Variants in NLRP5 observed in about 807,000 individuals in gnomAD.
The protein encoded by NLRP5 is NLR family pyrin domain containing 5, also known as NACHT, LRR and PYD domains-containing protein 5.
In NLRP5, 93 loss-of-function variants were observed where a neutral mutation model predicts 113.1. The ratio of observed to expected loss-of-function variants is 0.82; its 90% confidence interval spans 0.70 to 0.98. The LOEUF is 0.98. Among genes scored for constraint, NLRP5 ranks in the 50% least tolerant of loss-of-function variants. NLRP5 has a pLI of 0.00. For synonymous variants in NLRP5, 751 were observed against 600.7 expected (o/e 1.25, Z -3.66); for missense variants, 1,808 against 1,514.3 (o/e 1.19, Z -3.22).
rs570980138 is a variant in NLRP5, at chr19:56,027,088, C to T, written c.855C>T (p.His285=). 19 of 1,566,534 alleles carry T rather than the reference C, an allele frequency of 1.2e-5. No individual in the cohort carries two copies. The Admixed American group carries it at 1.7e-4, about 14-fold the overall frequency. The stretch of plus-strand genomic sequence containing the variant: ...TCCGGCCTCGCACGGTGGTTCTGCA[C>T]GGAAAGTCAGGAATTGGGAAATCGG... Residue 285 remains histidine, a synonymous_variant, in exon 7 of 15, where the codon CAC becomes CAT. Coordinates refer to ENST00000390649, the MANE Select transcript of NLRP5 (RefSeq NM_153447.4).
chr19:56,041,634 T>C (rs907332244), intron 11 of NLRP5, among the ~76,000 whole-genome samples: 14 of 152,120 alleles, frequency 9.2e-5, no homozygotes, highest in Non-Finnish European at 1.6e-4. Context: ...TTTGGCGCTA[T>C]GCTAGGAGGT....
the NLRP5 span, among the ~76,000 whole-genome samples, chr19:55,994,349 A>G: frequency 1.3e-5 from 2 of 152,152 alleles, no homozygotes; most frequent in African/African-American, 4.8e-5. Flanking sequence ...TATTCTGGGT[A>G]TTAGTTCCTT....
At position 56,061,441 on chromosome 19, in the gene NLRP5, G is replaced by C; in HGVS notation, c.3516G>C (p.Glu1172Asp). Reference sequence around the variant, plus strand: ...CTGTGCAAATAAGGAAGCTGCTGGAGGAAGTGCAGCTACTCAAGCCCCGAG... The same window carrying C: ...CTGTGCAAATAAGGAAGCTGCTGGACGAAGTGCAGCTACTCAAGCCCCGAG... The change falls in exon 15 of 15, where the codon GAG (glutamate) becomes GAC (aspartate). Residue 1172 changes from glutamate (E) to aspartate (D), a missense_variant. By Grantham distance (45) the Glu-to-Asp change is conservative (BLOSUM62 2). Transcript: ENST00000390649. 6.2e-7 allele frequency: 1 copy of C among 1,613,910 alleles called. No homozygotes were observed. Among genetic ancestry groups the C allele is most frequent in the Non-Finnish European group, 8.5e-7 (1 of 1,179,770 alleles).
chr19:55,987,794 C>G, the NLRP5 span: 1 of 1,584,444 alleles, frequency 6.3e-7, no homozygotes, highest in Non-Finnish European at 8.7e-7. Flanking sequence ...AACCAGCAGC[C>G]TTCCTTTACC....
At chr19:56,040,622 C>T (rs1370262076) in intron 10 of NLRP5, among the ~76,000 whole-genome samples, 1 of 152,094 alleles carries the variant, frequency 6.6e-6, no homozygotes, top group Non-Finnish European at 1.5e-5. Flanking sequence ...CTCATTCCGG[C>T]AAAGCCTTAC....
At chr19:56,005,993 C>T (rs76195184) in intron 2 of NLRP5, among the ~76,000 whole-genome samples, 13 of 152,194 alleles carry the variant, frequency 8.5e-5, no homozygotes, top group African/African-American at 1.9e-4. Flanking sequence ...ATTCATCTAC[C>T]GTGGCATATG....
rs759143170 is a variant in NLRP5, at chr19:56,028,114, T to C, written c.1881T>C (p.His627=). The change falls in exon 7 of 15, where the codon CAT becomes CAC. Residue 627 remains histidine (H), a synonymous_variant. Coordinates refer to ENST00000390649, the MANE Select transcript of NLRP5 (RefSeq NM_153447.4). ...TGGAGCTTAAACAGGCAGGCTTCCA[T>C]ATCCACTCGCTTTGGATGAAGCGTT... 22 of 1,614,042 alleles carry C rather than the reference T, an allele frequency of 1.4e-5. No individual in the cohort carries two copies. Among genetic ancestry groups the C allele is most frequent in the Non-Finnish European group, 1.7e-5 (20 of 1,179,900 alleles).
At chr19:56,061,248 G>A (rs1389053029) in intron 14 of NLRP5, 148 bp from the exon 15 acceptor site, 2 of 675,740 alleles carry the variant, frequency 3.0e-6, no homozygotes, top group Non-Finnish European at 4.6e-6. Flanking sequence ...TCAATAATTT[G>A]TTAGTCATTG....
intron 2 of NLRP5, among the ~76,000 whole-genome samples, chr19:56,005,455 A>ATATACACACACACATATT (rs528414037): frequency 7.1e-6 from 1 of 140,494 alleles, no homozygotes; most frequent in African/African-American, 2.7e-5. Flanking sequence ...ATATATTTTT[A>ATATACACACACACATATT]TATACACACA....
intron 3 of NLRP5, among the ~76,000 whole-genome samples, chr19:56,012,894 T>G (rs1049768946): frequency 2.0e-5 from 3 of 151,784 alleles, no homozygotes; most frequent in African/African-American, 7.2e-5. Flanking sequence ...TTATATACTT[T>G]CCTTGCTTTT....
chr19:56,060,718 GT>G (rs76500463), intron 14 of NLRP5, among the ~76,000 whole-genome samples: 1 of 151,784 alleles, frequency 6.6e-6, no homozygotes, highest in African/African-American at 2.4e-5. Context: ...ACATATCCAA[GT>G]TTTTTTACAT....
intron 11 of NLRP5, among the ~76,000 whole-genome samples, chr19:56,045,404 G>A (rs1983685367): frequency 1.3e-5 from 2 of 152,146 alleles, no homozygotes; most frequent in Admixed American, 1.3e-4. Context: ...TGGGATTGGA[G>A]CTAGTTTTTT....
chr19:56,040,780 G>C (rs1181332830), intron 10 of NLRP5, 142 bp from the exon 11 acceptor site: 2 of 646,080 alleles, frequency 3.1e-6, no homozygotes, highest in African/African-American at 3.7e-5. Flanking sequence ...GTTAAAGGCA[G>C]AGAGGATGCG....
chr19:56,061,209 TTTC>T (rs1984340152), intron 14 of NLRP5, among the ~76,000 whole-genome samples, 184 bp from the exon 15 acceptor site: 1 of 152,232 alleles, frequency 6.6e-6, no homozygotes, highest in Admixed American at 6.5e-5. Context: ...CAGCAAGCTG[TTTC>T]TTTTCTTGTC....
At chr19:56,057,957 G>A (rs1019513550) in intron 13 of NLRP5, among the ~76,000 whole-genome samples, 4 of 150,850 alleles carry the variant, frequency 2.7e-5, no homozygotes, top group Non-Finnish European at 4.4e-5. Flanking sequence ...AATCCCAGAG[G>A]TAGAAGGTTG....
At position 56,027,694 on chromosome 19, in the gene NLRP5, G is replaced by C; in HGVS notation, c.1461G>C (p.Val487=). The C allele has an allele frequency of 1.2e-6, 2 of 1,613,386 alleles. No individual in the cohort carries two copies. The highest frequency in any genetic ancestry group is 1.7e-5 in the Admixed American group (1 of 60,012). Residue 487 remains valine, a synonymous_variant, in exon 7 of 15, where the codon GTG becomes GTC. Transcript: ENST00000390649. ...TGGCCCTGCAGCTGCAGGACGTGGTGGGGGAGAGCGTCGCCCCCTTCAACC... is the reference window on the plus strand; with the variant it reads ...TGGCCCTGCAGCTGCAGGACGTGGTCGGGGAGAGCGTCGCCCCCTTCAACC...
At chr19:56,051,395 G>T (rs2637111) in intron 12 of NLRP5, among the ~76,000 whole-genome samples, 1 of 151,842 alleles carries the variant, frequency 6.6e-6, no homozygotes, top group Non-Finnish European at 1.5e-5. Context: ...GTTTCACCAT[G>T]TCGGCCAGGC....
At chr19:56,015,867 T>A in intron 4 of NLRP5, 69 bp downstream of exon 4, 2 of 1,214,868 alleles carry the variant, frequency 1.6e-6, no homozygotes, top group Admixed American at 2.3e-5. Flanking sequence ...GTTCATGTAG[T>A]TCAAAGGACG....
chr19:56,012,635 A>T (rs73617470), intron 3 of NLRP5, among the ~76,000 whole-genome samples: 48,855 of 151,150 alleles, frequency 0.32, 8,103 homozygotes, highest in Non-Finnish European at 0.36. Flanking sequence ...GGCCTGTCTT[A>T]CTTTTGCATA....
Sources: gnomAD v4.1 joint callset for allele counts (sites outside exome capture counted in the v4.1 genomes callset) on GRCh38, gnomAD v4.1.1 for gene constraint, MANE v1.5 for transcripts, NCBI Gene and HGNC (gene_info 2026-07-23, HGNC 2026-07-21) for gene names.